Variants in BLTP3A observed in about 807,000 individuals in gnomAD.
BLTP3A encodes the protein ICBP90 binding protein 1.
the BLTP3A span, among the ~76,000 whole-genome samples, chr6:34,866,937 G>A: frequency 6.6e-6 from 1 of 152,124 alleles, no homozygotes; most frequent in Non-Finnish European, 1.5e-5. Context: ...GCTGAATAGT[G>A]TTCCATTGTA....
chr6:34,792,105 A>AAG, the BLTP3A span: 1 of 553,974 alleles, frequency 1.8e-6, no homozygotes, highest in Non-Finnish European at 2.6e-6. Flanking sequence ...CAGGCGCCCA[A>AAG]AGAGGGGCGA....
At chr6:34,814,401 G>T in the BLTP3A span, among the ~76,000 whole-genome samples, 1 of 148,706 alleles carries the variant, frequency 6.7e-6, no homozygotes, top group South Asian at 2.1e-4. Flanking sequence ...CCTTTTTTGA[G>T]AAGCTTGAAT....
At chr6:34,801,271 T>G in the BLTP3A span, among the ~76,000 whole-genome samples, 1 of 152,150 alleles carries the variant, frequency 6.6e-6, no homozygotes, top group African/African-American at 2.4e-5. Context: ...AAGTTTGAAA[T>G]TTGGAGTGTG....
At chr6:34,829,027 C>CAAAAAAAAAAAAAAA in the BLTP3A span, among the ~76,000 whole-genome samples, 3 of 50,726 alleles carry the variant, frequency 5.9e-5, no homozygotes, top group African/African-American at 9.3e-5. Flanking sequence ...AACTCCATCT[C>CAAAAAAAAAAAAAAA]AAAAAAAAAA....
At chr6:34,816,815 T>C in the BLTP3A span, among the ~76,000 whole-genome samples, 13 of 152,052 alleles carry the variant, frequency 8.5e-5, no homozygotes, top group East Asian at 1.9e-4. Flanking sequence ...GGAGGAGACA[T>C]GTAGTTGCAG....
chr6:34,796,835 G>A, the BLTP3A span, among the ~76,000 whole-genome samples: 3 of 152,176 alleles, frequency 2.0e-5, no homozygotes, highest in African/African-American at 7.2e-5. Flanking sequence ...CTCCCGAGTA[G>A]CTGGGACTGC....
chr6:34,871,774 G>T, the BLTP3A span: 1 of 1,611,662 alleles, frequency 6.2e-7, no homozygotes, highest in Non-Finnish European at 8.5e-7. Flanking sequence ...CTGTTTGGGA[G>T]TTGGCAGCAG....
At chr6:34,852,500 T>A in the BLTP3A span, among the ~76,000 whole-genome samples, 1 of 151,876 alleles carries the variant, frequency 6.6e-6, no homozygotes, top group Non-Finnish European at 1.5e-5. Flanking sequence ...TGAGCTGGTA[T>A]CCAAATTGCA....
the BLTP3A span, chr6:34,836,361 G>T: frequency 6.2e-7 from 1 of 1,611,958 alleles, no homozygotes; most frequent in Admixed American, 1.7e-5. Flanking sequence ...ACCCCATGAG[G>T]CCTGAGCCTG....
At chr6:34,874,684 GAAAC>G in the BLTP3A span, 1 of 152,252 alleles carries the variant, frequency 6.6e-6, no homozygotes, top group East Asian at 1.9e-4. Flanking sequence ...ACTCAGGAAA[GAAAC>G]AAGCATTGCT....
the BLTP3A span, among the ~76,000 whole-genome samples, chr6:34,805,901 T>TCTAC: frequency 6.6e-6 from 1 of 152,212 alleles, no homozygotes; most frequent in African/African-American, 2.4e-5. Flanking sequence ...TAAAAGCTTG[T>TCTAC]AGACTGGGCT....
the BLTP3A span, among the ~76,000 whole-genome samples, chr6:34,793,662 A>G: frequency 3.9e-5 from 6 of 152,200 alleles, no homozygotes; most frequent in African/African-American, 1.4e-4. Flanking sequence ...AACGTAATAT[A>G]TTCTTTTTCA....
chr6:34,811,976 A>G, the BLTP3A span, among the ~76,000 whole-genome samples: 2 of 152,206 alleles, frequency 1.3e-5, no homozygotes, highest in Non-Finnish European at 2.9e-5. Flanking sequence ...ACAGAGAGCT[A>G]TGATTGTGCC....
the BLTP3A span, among the ~76,000 whole-genome samples, chr6:34,812,396 AAAC>A: frequency 5.9e-5 from 9 of 152,120 alleles, no homozygotes; most frequent in African/African-American, 2.2e-4. Context: ...AACAGTTAAA[AAAC>A]CCAACATTGT....
At chr6:34,817,349 A>C in the BLTP3A span, among the ~76,000 whole-genome samples, 1 of 152,180 alleles carries the variant, frequency 6.6e-6, no homozygotes, top group Non-Finnish European at 1.5e-5. Flanking sequence ...TCAGAGAATA[A>C]AGTTAGTTCA....
chr6:34,840,891 C>T, the BLTP3A span, among the ~76,000 whole-genome samples: 1,109 of 152,158 alleles, frequency 7.3e-3, 21 homozygotes, highest in African/African-American at 0.025. Flanking sequence ...GGATTATAGG[C>T]GTGAGCCACC....
the BLTP3A span, among the ~76,000 whole-genome samples, chr6:34,797,656 CTA>C: frequency 3.3e-5 from 5 of 152,122 alleles, no homozygotes; most frequent in African/African-American, 9.7e-5. Context: ...TAGTTAAATC[CTA>C]TGTTTCTGTT....
chr6:34,813,539 ACT>A, the BLTP3A span, among the ~76,000 whole-genome samples: 1 of 152,162 alleles, frequency 6.6e-6, no homozygotes, highest in South Asian at 2.1e-4. Flanking sequence ...TAGCTTTTAC[ACT>A]CTGTAACAGT....
the BLTP3A span, among the ~76,000 whole-genome samples, chr6:34,831,613 T>C: frequency 3.3e-5 from 5 of 152,232 alleles, no homozygotes; most frequent in Non-Finnish European, 5.9e-5. Context: ...TTTTAACATT[T>C]GAATCTCTAG....
Sources: gnomAD v4.1 joint callset for allele counts (sites outside exome capture counted in the v4.1 genomes callset) on GRCh38, gnomAD v4.1.1 for gene constraint, MANE v1.5 for transcripts, NCBI Gene and HGNC (gene_info 2026-07-23, HGNC 2026-07-21) for gene names.